Variants in FRY observed in about 807,000 individuals in gnomAD.
FRY encodes the protein FRY microtubule binding protein.
A neutral mutation model predicts 348.4 loss-of-function variants in FRY; 128 were observed. The ratio of observed to expected loss-of-function variants is 0.37; its 90% confidence interval spans 0.32 to 0.43. FRY has a LOEUF of 0.43. Among genes scored for constraint, FRY ranks in the 20% least tolerant of loss-of-function variants. The pLI is 1.00. For missense variants in FRY, 2,736 were observed against 3,695.2 expected (o/e 0.74, Z 6.73); for synonymous variants, 1,370 against 1,374.7 (o/e 1.00, Z 0.08).
At chr13:32,257,589 C>A (rs1887402809) in intron 51 of FRY, among the ~76,000 whole-genome samples, 2 of 152,132 alleles carry the variant, frequency 1.3e-5, no homozygotes, top group African/African-American at 4.8e-5. Flanking sequence ...AGTTGATGAC[C>A]CTCATTCATG....
chr13:32,050,202 A>G (rs1566044596), intron 1 of FRY, among the ~76,000 whole-genome samples: 2 of 152,346 alleles, frequency 1.3e-5, no homozygotes, highest in East Asian at 1.9e-4. Context: ...ATGTCAAACA[A>G]ATACCTAATG....
At position 32,250,627 on chromosome 13, in the gene FRY, A is replaced by G. The variant is rs909471568; in HGVS notation, c.7170+940A>G. 2.0e-5 allele frequency among the ~76,000 whole-genome samples: 3 copies of G among 152,226 alleles called. No individual in the cohort carries two copies. The East Asian group carries it at 5.8e-4, about 29-fold the overall frequency. On this transcript the variant is annotated intron_variant, in intron 49 of 60. Transcript: ENST00000542859. ...ATCTTGCAGGACATGCGAGGGAGGC[A>G]TAGCCTCACTTAGTGGGAATGGAGC...
At chr13:32,077,930 C>T (rs1487472413) in intron 1 of FRY, among the ~76,000 whole-genome samples, 3 of 152,204 alleles carry the variant, frequency 2.0e-5, no homozygotes, top group Non-Finnish European at 2.9e-5. Flanking sequence ...CCCAAGCCCA[C>T]TTGCTCTTAC....
At chr13:32,155,411 A>G in intron 14 of FRY, 80 bp from the exon 15 acceptor site, 2 of 1,005,798 alleles carry the variant, frequency 2.0e-6, no homozygotes, top group Non-Finnish European at 3.2e-6. Context: ...TTCAGTCTTA[A>G]CTATCTGAAA....
chr13:32,212,843 G>C (rs78371450), intron 35 of FRY, among the ~76,000 whole-genome samples: 1,967 of 152,054 alleles, frequency 0.013, 42 homozygotes, highest in African/African-American at 0.045. Context: ...ATCTTTTCCT[G>C]CTAAAAAAGT....
At position 32,237,634 on chromosome 13, in the gene FRY, C is replaced by T; in HGVS notation, c.6066C>T (p.Ser2022=). The change falls in exon 44 of 61, where the codon TCC becomes TCT. Residue 2022 remains serine (S), a synonymous_variant. Coordinates refer to ENST00000542859, the MANE Select transcript of FRY (RefSeq NM_023037.3). This position sits in a 1 kb window ranked among gnomAD's most constrained non-coding sequence, Gnocchi z 6.3. ...QGLSSKTRSS[S]SLKDSLTDPS... is the part of the protein sequence containing the mutation. ...TCTCCTCAAAAACCAGAAGCTCATC[C>T]TCCTTGAAGGACAGTCTCACGGACC... is the stretch of plus-strand genomic sequence containing the variant. 1 of 1,614,152 alleles carries T rather than the reference C, an allele frequency of 6.2e-7. No individual in the cohort carries two copies. Among genetic ancestry groups the T allele is most frequent in the South Asian group, 1.1e-5 (1 of 91,070 alleles).
chr13:32,083,894 A>G (rs184124937), intron 2 of FRY, among the ~76,000 whole-genome samples: 23 of 152,078 alleles, frequency 1.5e-4, no homozygotes, highest in African/African-American at 5.5e-4. Flanking sequence ...ACTGTTTCCT[A>G]TCCCCCAGTT....
At chr13:32,098,403 T>G (rs467229) in intron 2 of FRY, among the ~76,000 whole-genome samples, 148,917 of 152,100 alleles carry the variant, frequency 0.98, 73,010 homozygotes, top group East Asian at 1. Context: ...AGAGGTCGCT[T>G]CATTTCTGGG....
At chr13:32,215,430 A>G (rs1238264628) in intron 35 of FRY, among the ~76,000 whole-genome samples, 1 of 152,246 alleles carries the variant, frequency 6.6e-6, no homozygotes, top group African/African-American at 2.4e-5. Context: ...AAATTTTTAA[A>G]AACTATCAGA....
At chr13:32,292,120 T>A in intron 59 of FRY, 1 of 392,432 alleles carries the variant, frequency 2.5e-6, no homozygotes, top group Admixed American at 2.9e-5. Flanking sequence ...ATAGCTGGGA[T>A]TACAGGCCCG....
chr13:32,183,497 G>T (rs529841777), intron 24 of FRY, among the ~76,000 whole-genome samples: 1 of 152,212 alleles, frequency 6.6e-6, no homozygotes, highest in Admixed American at 6.5e-5. Context: ...CTAGAAAAGG[G>T]CCAGGCGCGA....
At chr13:32,273,600 A>G (rs1373107298) in intron 55 of FRY, among the ~76,000 whole-genome samples, 1 of 152,214 alleles carries the variant, frequency 6.6e-6, no homozygotes, top group Non-Finnish European at 1.5e-5. Flanking sequence ...AGACAGAATT[A>G]GGCTCAGTTG....
intron 58 of FRY, among the ~76,000 whole-genome samples, chr13:32,287,408 C>T (rs892527766): frequency 2.0e-5 from 3 of 152,180 alleles, no homozygotes; most frequent in African/African-American, 7.2e-5. Flanking sequence ...GTTTAGCAGA[C>T]ATGAAACTGA....
intron 36 of FRY, among the ~76,000 whole-genome samples, chr13:32,219,755 G>A (rs1377392818): frequency 6.6e-6 from 1 of 152,090 alleles, no homozygotes; most frequent in African/African-American, 2.4e-5. Context: ...AATGTTGGCG[G>A]TTCAACATTT....
intron 50 of FRY, among the ~76,000 whole-genome samples, chr13:32,252,714 G>A (rs1453475309): frequency 6.6e-6 from 1 of 151,524 alleles, no homozygotes; most frequent in South Asian, 2.1e-4. Context: ...ATTTCAAAAT[G>A]GATCTACTAA....
intron 43 of FRY, 71 bp downstream of exon 43, chr13:32,236,243 T>C: frequency 3.5e-6 from 4 of 1,130,156 alleles, no homozygotes; most frequent in African/African-American, 1.5e-5. Context: ...TGCTGGACTT[T>C]AGGAAAAGTA....
chr13:32,241,405 G>C (rs899272153), intron 46 of FRY, among the ~76,000 whole-genome samples: 1 of 152,160 alleles, frequency 6.6e-6, no homozygotes, highest in Non-Finnish European at 1.5e-5. Context: ...GAGGACAAAA[G>C]GACAAATATG....
Position 32,117,397 on chromosome 13 carries a change from G to T in FRY, c.388G>T (p.Asp130Tyr). 6.2e-7 allele frequency: 1 copy of T among 1,613,586 alleles called. No individual in the cohort carries two copies. The highest frequency in any genetic ancestry group is 1.1e-5 in the South Asian group (1 of 91,042). ...GCCTTCCATTCTACGTACATTATTT[G>T]ACTGGTATAAAAGGCAAAATGGCAT... ...CLPSILRTLF[D>Y]WYKRQNGIED... is the part of the protein sequence containing the mutation. Residue 130 changes from aspartate to tyrosine, a missense_variant, in exon 4 of 61, where the codon GAC becomes TAC. Physicochemically the swap from Asp to Tyr is radical, Grantham distance 160. This residue lies in a region of FRY where 309 missense variants were observed against 418.1 expected (regional missense o/e 0.74). Coordinates refer to ENST00000542859, the MANE Select transcript of FRY (RefSeq NM_023037.3).
At position 32,124,212 on chromosome 13, in the gene FRY, T is replaced by C. The variant is rs1345905240; in HGVS notation, c.465-74T>C. The C allele has an allele frequency of 4.3e-6, 4 of 921,486 alleles. No homozygotes were observed. The East Asian group carries it at 9.9e-5, about 23-fold the overall frequency. 57.1% of individuals were successfully genotyped at this position (921,486 alleles called of 1,614,324 possible). On this transcript the variant is annotated intron_variant, in intron 4 of 60. Coordinates refer to ENST00000542859, the MANE Select transcript of FRY (RefSeq NM_023037.3). ...TTTGCAGTCTATTAGGGAGGAGTCC[T>C]AGATTTTTTATGAATTGTATTACTC... is the stretch of plus-strand genomic sequence containing the variant.
Sources: gnomAD v4.1 joint callset for allele counts (sites outside exome capture counted in the v4.1 genomes callset) on GRCh38, gnomAD v4.1.1 for gene constraint, gnomAD v4.1.1 regional missense constraint, Gnocchi (gnomAD v3.1) non-coding constraint, MANE v1.5 for transcripts, NCBI Gene and HGNC (gene_info 2026-07-23, HGNC 2026-07-21) for gene names.